The following CHRNA5 variants were observed in gnomAD, a reference collection of about 807,000 sequenced individuals.
CHRNA5 encodes neuronal acetylcholine receptor subunit alpha-5.
In CHRNA5, 28 loss-of-function variants were observed where a neutral mutation model predicts 41.2. The ratio of observed to expected loss-of-function variants is 0.68; its 90% CI spans 0.50 to 0.93. The LOEUF is 0.93. CHRNA5 is among the 40% of genes least tolerant of loss of function. CHRNA5 has a pLI of 0.00. For synonymous variants in CHRNA5, 188 were observed against 205.8 expected (o/e 0.91, Z 0.74); for missense variants, 481 against 581.9 (o/e 0.83, Z 1.78).
intron 1 of CHRNA5, among the ~76,000 whole-genome samples, chr15:78,566,251 T>A (rs1390733220): frequency 6.6e-6 from 1 of 152,142 alleles, no homozygotes; most frequent in Non-Finnish European, 1.5e-5. Context: ...GCCCGCCGCC[T>A]CTTCCTCCAT....
chr15:78,588,429 T>G lies in CHRNA5; in HGVS notation c.413+6T>G. On this transcript the variant is annotated splice_donor_region_variant and intron_variant, in intron 4 of 5. Transcript: ENST00000299565. The surrounding 1 kb of genome is among the most constrained non-coding windows in gnomAD (Gnocchi z 4.1). ...GACATCGTTTTGTTTGATAAGTAAG[T>G]TATATTCTAAATATAGTTTTATATT... 9.9e-6 allele frequency: 13 copies of G among 1,315,578 alleles called. No homozygotes were observed. Among genetic ancestry groups the G allele is most frequent in the Non-Finnish European group, 1.4e-5 (13 of 948,108 alleles). The allele number at this position is 1,315,578 out of a possible 1,614,324, so 81.5% of individuals were successfully genotyped here. A position where few individuals can be genotyped will look rare whatever the true frequency, so the allele number is the denominator to read the frequency against.
At chr15:78,579,168 T>C (rs900387375) in intron 1 of CHRNA5, among the ~76,000 whole-genome samples, 1 of 152,168 alleles carries the variant, frequency 6.6e-6, no homozygotes, top group African/African-American at 2.4e-5. Context: ...TCATTTTACA[T>C]TGGGCCCTGT....
chr15:78,586,656 T>G, exon 3 of CHRNA5: 1 of 1,590,054 alleles, frequency 6.3e-7, no homozygotes, highest in Non-Finnish European at 8.6e-7. Flanking sequence ...ATGAGAAAAA[T>G]CAGTTAATGA....
chr15:78,593,266 G>A, exon 6 of CHRNA5: 1 of 1,598,506 alleles, frequency 6.3e-7, no homozygotes, highest in Non-Finnish European at 8.5e-7. Flanking sequence ...CCTCCCAAGG[G>A]ACTGAAGTAT....
At chr15:78,590,631 C>T (rs200127699) in exon 5 of CHRNA5, 22 of 1,607,162 alleles carry the variant, frequency 1.4e-5, no homozygotes, top group South Asian at 2.2e-5. Flanking sequence ...AAATGATGTC[C>T]GTGAGGTCTG....
At chr15:78,570,422 C>CTTTTTTTTTTTTTTT (rs1567050748) in intron 1 of CHRNA5, among the ~76,000 whole-genome samples, 1 of 66,286 alleles carries the variant, frequency 1.5e-5, no homozygotes, top group African/African-American at 9.3e-5. Context: ...CCAATCCCGG[C>CTTTTTTTTTTTTTTT]TATTTTTTTT....
intron 1 of CHRNA5, among the ~76,000 whole-genome samples, chr15:78,568,565 A>G (rs1050160090): frequency 6.6e-6 from 1 of 152,022 alleles, no homozygotes; most frequent in African/African-American, 2.4e-5. Context: ...TGCTACACCT[A>G]TCAACCTGTC....
chr15:78,582,495 AG>A (rs374232228), intron 2 of CHRNA5, among the ~76,000 whole-genome samples: 37,041 of 138,182 alleles, frequency 0.27, 5,730 homozygotes, highest in Middle Eastern at 0.42. Flanking sequence ...AAAAAAAAAA[AG>A]AAAAGAAAAG....
chr15:78,585,791 C>CCTTTTTTTT, intron 2 of CHRNA5, among the ~76,000 whole-genome samples: 1 of 130,612 alleles, frequency 7.7e-6, no homozygotes, highest in East Asian at 2.4e-4. Flanking sequence ...TCTTTTCTTT[C>CCTTTTTTTT]TTTTTTTTTT....
exon 5 of CHRNA5, chr15:78,590,548 C>G (rs2053003848): frequency 6.2e-7 from 1 of 1,614,142 alleles, no homozygotes; most frequent in South Asian, 1.1e-5. Flanking sequence ...GGTAGTGGAC[C>G]AAAATCTTCT....
intron 1 of CHRNA5, among the ~76,000 whole-genome samples, chr15:78,578,939 T>C (rs1265124854): frequency 1.3e-5 from 2 of 152,206 alleles, no homozygotes; most frequent in African/African-American, 2.4e-5. Context: ...ACTCATTTCT[T>C]CAGAGATGCT....
intron 1 of CHRNA5, among the ~76,000 whole-genome samples, chr15:78,569,502 C>T (rs985772191): frequency 6.8e-6 from 1 of 146,170 alleles, no homozygotes; most frequent in Admixed American, 6.9e-5. Context: ...GGTGCAATCT[C>T]GGCTCACTGC....
At chr15:78,571,386 G>A (rs1310485328) in intron 1 of CHRNA5, among the ~76,000 whole-genome samples, 1 of 151,998 alleles carries the variant, frequency 6.6e-6, no homozygotes, top group Non-Finnish European at 1.5e-5. Context: ...TTCATAACTC[G>A]ACATCTCTAA....
At chr15:78,585,239 A>G (rs542079703) in intron 2 of CHRNA5, among the ~76,000 whole-genome samples, 7 of 152,132 alleles carry the variant, frequency 4.6e-5, no homozygotes, top group Non-Finnish European at 8.8e-5. Flanking sequence ...AATCAAGGAA[A>G]ATTGCTCTTT....
At chr15:78,594,354 C>T (rs908913187) in exon 6 of CHRNA5, 6 of 152,068 alleles carry the variant, frequency 3.9e-5, no homozygotes, top group Non-Finnish European at 5.9e-5. Context: ...AATAGTCAGT[C>T]CACTACAATT....
At chr15:78,570,379 C>T (rs1370845175) in intron 1 of CHRNA5, among the ~76,000 whole-genome samples, 1 of 149,036 alleles carries the variant, frequency 6.7e-6, no homozygotes, top group African/African-American at 2.5e-5. Context: ...GTGCCTCAGC[C>T]TCCCAAGTAG....
intron 1 of CHRNA5, among the ~76,000 whole-genome samples, chr15:78,571,884 G>A (rs1167264555): frequency 1.3e-5 from 2 of 151,996 alleles, no homozygotes; most frequent in East Asian, 3.8e-4. Flanking sequence ...GAAAATGTTG[G>A]ATATAATACA....
intron 1 of CHRNA5, among the ~76,000 whole-genome samples, chr15:78,574,267 C>A (rs887104501): frequency 5.3e-5 from 8 of 151,412 alleles, no homozygotes; most frequent in Non-Finnish European, 1.0e-4. Context: ...GTAGTCCCAG[C>A]TACTCAGGAG....
chr15:78,577,465 T>C (rs939661134), intron 1 of CHRNA5, among the ~76,000 whole-genome samples: 1 of 152,238 alleles, frequency 6.6e-6, no homozygotes, highest in African/African-American at 2.4e-5. Context: ...ATTTCTAGTA[T>C]GGGATGTATT....
Sources: gnomAD v4.1 joint callset for allele counts (sites outside exome capture counted in the v4.1 genomes callset) on GRCh38, gnomAD v4.1.1 for gene constraint, Gnocchi (gnomAD v3.1) non-coding constraint, MANE v1.5 for transcripts, NCBI Gene and HGNC (gene_info 2026-07-23, HGNC 2026-07-21) for gene names.